The following DOP1A variants were observed in gnomAD, a reference collection of about 807,000 sequenced individuals.
DOP1A encodes the protein DOP1 leucine zipper like protein A.
DOP1A carries 90 observed loss-of-function variants against 267.6 expected under a neutral mutation model. That is an observed-to-expected ratio of 0.34 (90% CI 0.28 to 0.40). DOP1A has a LOEUF of 0.40. DOP1A is among the 10% of genes least tolerant of loss of function. The probability of loss-of-function intolerance (pLI) is 1.00; values close to 1 mark genes in which losing one functional copy is unlikely to be tolerated. For synonymous variants in DOP1A, 932 were observed against 999.1 expected, an observed-to-expected ratio of 0.93 and a Z score of 1.27; for missense variants, 2,437 against 2,900.4, an observed-to-expected ratio of 0.84 and a Z score of 3.67.
chr6:83,159,811 T>C lies in DOP1A; in HGVS notation c.6813T>C (p.Ser2271=). 2.5e-6 allele frequency: 4 copies of C among 1,614,168 alleles called. No homozygotes were observed. Among genetic ancestry groups the C allele is most frequent in the Non-Finnish European group, 3.4e-6 (4 of 1,180,040 alleles). Residue 2271 remains serine, a synonymous_variant, in exon 37 of 39, where the codon TCT becomes TCC. Coordinates refer to ENST00000349129, the MANE Select transcript of DOP1A (RefSeq NM_015018.4). ...DEDISRTSGP[S]VAGLETTYTG... is the part of the protein sequence containing the mutation. ...CTGCTTACAGGACTTCAGGGCCCTCTGTGGCTGGTCTGGAGACAACGTACA... is the reference window on the plus strand; with the variant it reads ...CTGCTTACAGGACTTCAGGGCCCTCCGTGGCTGGTCTGGAGACAACGTACA...
Position 83,115,698 on chromosome 6 carries a change from C to T in DOP1A, c.780+2277C>T, listed in dbSNP as rs568566568. On this transcript the variant is annotated intron_variant, in intron 7 of 38. Coordinates refer to ENST00000349129, the MANE Select transcript of DOP1A (RefSeq NM_015018.4). ...AGTGATCGTGCCACTGCACTCCAGCCTGGCGACAGAGCAAGACTCTGTCTC... is the reference window on the plus strand; with the variant it reads ...AGTGATCGTGCCACTGCACTCCAGCTTGGCGACAGAGCAAGACTCTGTCTC... Among the ~76,000 whole-genome samples, 7 of 152,270 alleles carry T rather than the reference C, an allele frequency of 4.6e-5. No individual in the cohort carries two copies. The South Asian group carries it at 1.5e-3, about 32-fold the overall frequency.
At chr6:83,157,137 G>A (rs1782982464) in intron 34 of DOP1A, 45 bp from the exon 35 acceptor site, 1 of 1,593,242 alleles carries the variant, frequency 6.3e-7, no homozygotes. Flanking sequence ...AGTTTTATGT[G>A]ATAAAGATTA....
chr6:83,134,834 T>G (rs1450718824), intron 19 of DOP1A, among the ~76,000 whole-genome samples: 1 of 152,104 alleles, frequency 6.6e-6, no homozygotes, highest in Non-Finnish European at 1.5e-5. Context: ...TGGATTCATA[T>G]ATTGTCATAA....
chr6:83,154,124 T>A, intron 32 of DOP1A, 56 bp from the exon 33 acceptor site: 1 of 1,612,142 alleles, frequency 6.2e-7, no homozygotes, highest in Non-Finnish European at 8.5e-7. Context: ...AAAGTTAGAA[T>A]ACTGTTCTTT....
chr6:83,152,123 C>T, intron 29 of DOP1A, 96 bp downstream of exon 29: 1 of 1,413,526 alleles, frequency 7.1e-7, no homozygotes, highest in South Asian at 1.3e-5. Context: ...ACAAATTTAT[C>T]CCTTTTCTCA....
rs773286082 is a variant in DOP1A at position 83,137,414 on chromosome 6, C to T, written c.3372C>T (p.Tyr1124=). ...SQSSAGDNLS[Y]EVDPETVNAQ... ...CCTCTGCTGGGGACAACTTGAGTTA[C>T]GAAGTTGATCCTGAAACCGTGAATG... is the stretch of plus-strand genomic sequence containing the variant. Residue 1124 remains tyrosine (Y), a synonymous_variant, in exon 21 of 39, where the codon TAC becomes TAT. Coordinates refer to ENST00000349129, the MANE Select transcript of DOP1A (RefSeq NM_015018.4). The T allele has an allele frequency of 6.8e-6, 11 of 1,613,628 alleles. No individual in the cohort carries two copies. The highest frequency in any genetic ancestry group is 4.4e-5 in the South Asian group (4 of 91,050).
chr6:83,077,092 G>C (rs1159279749), intron 1 of DOP1A, among the ~76,000 whole-genome samples: 3 of 152,218 alleles, frequency 2.0e-5, no homozygotes, highest in Admixed American at 2.0e-4. Context: ...GCAGAAAATA[G>C]AATTGTTGTT....
chr6:83,076,504 A>C (rs1355298761), intron 1 of DOP1A, among the ~76,000 whole-genome samples: 2 of 152,174 alleles, frequency 1.3e-5, no homozygotes, highest in African/African-American at 2.4e-5. Context: ...AGCAGACTCC[A>C]TCTCAAAAGA....
At chr6:83,095,715 G>T (rs1192664288) in intron 1 of DOP1A, among the ~76,000 whole-genome samples, 1 of 152,136 alleles carries the variant, frequency 6.6e-6, no homozygotes, top group Non-Finnish European at 1.5e-5. Flanking sequence ...GAGAGACTTA[G>T]CTCATGTATT....
At chr6:83,160,788 A>T (rs1259393445) in intron 37 of DOP1A, among the ~76,000 whole-genome samples, 1 of 152,130 alleles carries the variant, frequency 6.6e-6, no homozygotes, top group Non-Finnish European at 1.5e-5. Flanking sequence ...ATTGTGTCTT[A>T]TTTTTCTTCT....
intron 1 of DOP1A, among the ~76,000 whole-genome samples, chr6:83,082,163 A>G (rs1343043754): frequency 6.6e-6 from 1 of 152,224 alleles, no homozygotes; most frequent in Admixed American, 6.5e-5. Flanking sequence ...CTGTAATCCC[A>G]CTACTGAGTA....
At chr6:83,148,678 TA>T in intron 26 of DOP1A, 80 bp from the exon 27 acceptor site, 2 of 942,056 alleles carry the variant, frequency 2.1e-6, no homozygotes, top group Non-Finnish European at 3.1e-6. Context: ...TCATTGTCTA[TA>T]AAAATTTAGA....
chr6:83,071,218 CTT>C (rs879658495), intron 1 of DOP1A, among the ~76,000 whole-genome samples: 1 of 146,580 alleles, frequency 6.8e-6, no homozygotes, highest in Non-Finnish European at 1.5e-5. Flanking sequence ...AGGAAGTAAC[CTT>C]TTTTTTTTTG....
At chr6:83,077,765 A>G (rs1389384135) in intron 1 of DOP1A, among the ~76,000 whole-genome samples, 1 of 152,226 alleles carries the variant, frequency 6.6e-6, no homozygotes, top group African/African-American at 2.4e-5. Context: ...CATGTTTCTA[A>G]ATCAGGGGTG....
chr6:83,135,486 C>T, intron 19 of DOP1A, 133 bp from the exon 20 acceptor site: 1 of 1,005,270 alleles, frequency 9.9e-7, no homozygotes, highest in Non-Finnish European at 1.4e-6. Context: ...ATACTATGAT[C>T]AAAATTTATC....
At chr6:83,091,050 G>A (rs922542722) in intron 1 of DOP1A, among the ~76,000 whole-genome samples, 7 of 151,714 alleles carry the variant, frequency 4.6e-5, no homozygotes. Context: ...CAATCATGGG[G>A]AAGGCAAGGA....
chr6:83,153,305 T>C, intron 30 of DOP1A: 1 of 350,504 alleles, frequency 2.9e-6, no homozygotes, highest in Non-Finnish European at 5.0e-6. Flanking sequence ...ATGGCAAGAT[T>C]TGCCCATATT....
rs781766543 is a variant in DOP1A at position 83,153,474 on chromosome 6, C to T, written c.6130-37C>T. On this transcript the variant is annotated intron_variant, in intron 30 of 38. Transcript: ENST00000349129. Reference sequence around the variant, plus strand: ...GTACCTTGGGATGATGTCAGTTTCACCTCATATGTTACTCTTCATTTTTTA... The same window carrying T: ...GTACCTTGGGATGATGTCAGTTTCATCTCATATGTTACTCTTCATTTTTTA... 1.4e-5 allele frequency: 20 copies of T among 1,392,384 alleles called. No homozygotes were observed. The African/African-American group carries it at 2.2e-4, about 15-fold the overall frequency. 86.3% of individuals were successfully genotyped at this position (1,392,384 alleles called of 1,614,324 possible).
intron 37 of DOP1A, among the ~76,000 whole-genome samples, chr6:83,161,475 A>G (rs1053864647): frequency 6.6e-6 from 1 of 152,186 alleles, no homozygotes; most frequent in Non-Finnish European, 1.5e-5. Context: ...AAAGATAGCA[A>G]TGAATTGGTA....
Sources: allele counts gnomAD v4.1 joint callset (sites outside exome capture counted in the v4.1 genomes callset), GRCh38; gene constraint gnomAD v4.1.1; transcripts MANE v1.5; gene names NCBI Gene and HGNC (gene_info 2026-07-23, HGNC 2026-07-21).